Variants in KIRREL3 observed in about 807,000 individuals in gnomAD.
KIRREL3 encodes kin of IRRE-like protein 3.
KIRREL3 carries 36 observed loss-of-function variants against 89.7 expected under a neutral mutation model. The observed-to-expected ratio is 0.40, with a 90% CI of 0.31 to 0.53. KIRREL3 has a LOEUF of 0.53. KIRREL3 is among the 20% of genes least tolerant of loss of function. The pLI is 0.49. For synonymous variants in KIRREL3, 445 were observed against 441.4 expected (o/e 1.01, Z -0.10); for missense variants, 864 against 1,056.6 (o/e 0.82, Z 2.53).
At chr11:126,470,455 AC>A (rs1956855107) in intron 5 of KIRREL3, among the ~76,000 whole-genome samples, 1 of 152,134 alleles carries the variant, frequency 6.6e-6, no homozygotes, top group African/African-American at 2.4e-5. Flanking sequence ...GGGTTCTGGC[AC>A]CAGGTGCTGG....
chr11:126,507,696 G>A (rs1218491267), intron 4 of KIRREL3, among the ~76,000 whole-genome samples: 5 of 152,186 alleles, frequency 3.3e-5, no homozygotes, highest in Non-Finnish European at 1.5e-5. Flanking sequence ...GGATTAAAGG[G>A]CTCCTTCATC....
chr11:126,637,458 T>C (rs1669001676), intron 1 of KIRREL3, among the ~76,000 whole-genome samples: 1 of 152,212 alleles, frequency 6.6e-6, no homozygotes, highest in African/African-American at 2.4e-5. Context: ...CTGGGTACTT[T>C]CCTCCCTCCC....
At chr11:126,506,790 G>T (rs547268621) in intron 4 of KIRREL3, among the ~76,000 whole-genome samples, 5,097 of 137,538 alleles carry the variant, frequency 0.037, 327 homozygotes, top group African/African-American at 0.13. Context: ...TTTTTTTTTT[G>T]TTTTTGGTAT....
At position 126,990,502 on chromosome 11, in the gene KIRREL3, G is replaced by A. The variant is rs1467575353; in HGVS notation, c.55+9953C>T. On this transcript the variant is annotated intron_variant, in intron 1 of 16. Coordinates refer to ENST00000525144, the MANE Select transcript of KIRREL3 (RefSeq NM_032531.4). The surrounding 1 kb of genome is among the most constrained non-coding windows in gnomAD (Gnocchi z 6.3). ...CCTTCCCCGTCCTAAGGGACCTCCCGGGCTCTGCTCTCTCTGGGCAGGTTC... is the reference window on the plus strand; with the variant it reads ...CCTTCCCCGTCCTAAGGGACCTCCCAGGCTCTGCTCTCTCTGGGCAGGTTC... 6.6e-6 allele frequency among the ~76,000 whole-genome samples: 1 copy of A among 151,474 alleles called. No individual in the cohort carries two copies. The highest frequency in any genetic ancestry group is 2.4e-5 in the African/African-American group (1 of 41,108).
intron 4 of KIRREL3, among the ~76,000 whole-genome samples, chr11:126,480,835 T>C (rs1012840829): frequency 6.6e-6 from 1 of 152,252 alleles, no homozygotes; most frequent in African/African-American, 2.4e-5. Flanking sequence ...AGCTCTTTGC[T>C]GCCTTTTGTG....
At position 126,791,993 on chromosome 11, in the gene KIRREL3, T is replaced by C. The variant is rs1428121494; in HGVS notation, c.55+208462A>G. Among the ~76,000 whole-genome samples, 1 of 152,182 alleles carries C rather than the reference T, an allele frequency of 6.6e-6. No individual in the cohort carries two copies. The highest frequency in any genetic ancestry group is 2.4e-5 in the African/African-American group (1 of 41,446). On this transcript the variant is annotated intron_variant, in intron 1 of 16. Transcript: ENST00000525144. The surrounding 1 kb of genome is among the most constrained non-coding windows in gnomAD (Gnocchi z 4.8). Reference sequence around the variant, plus strand: ...TTCTCCTCTTCTCTGTATGCCACTTTTCCCCATTTCCTGGTGCCTCTGCCG... The same window carrying C: ...TTCTCCTCTTCTCTGTATGCCACTTCTCCCCATTTCCTGGTGCCTCTGCCG...
rs1939737829 is a variant in KIRREL3, at chr11:126,556,764, T to G, written c.133+6071A>C. Among the ~76,000 whole-genome samples the G allele has an allele frequency of 2.0e-5, 3 of 152,216 alleles. No individual in the cohort carries two copies. The South Asian group carries it at 6.2e-4, about 32-fold the overall frequency. On this transcript the variant is annotated intron_variant, in intron 2 of 16. Coordinates refer to ENST00000525144, the MANE Select transcript of KIRREL3 (RefSeq NM_032531.4). The stretch of plus-strand genomic sequence containing the variant: ...TGAGAAAAAGCTTTGGAATGTTCCC[T>G]CAGATCCTGGCTGGAGAGTGGAAAC...
chr11:126,632,293 T>C (rs561219031), intron 1 of KIRREL3, among the ~76,000 whole-genome samples: 3 of 152,324 alleles, frequency 2.0e-5, no homozygotes, highest in African/African-American at 7.2e-5. Context: ...AGAATTGCCC[T>C]TGTGGGTCTC....
intron 1 of KIRREL3, among the ~76,000 whole-genome samples, chr11:126,919,853 T>A (rs555851016): frequency 6.6e-6 from 1 of 152,240 alleles, no homozygotes; most frequent in Admixed American, 6.5e-5. Flanking sequence ...TACAGAATAT[T>A]CCAGTAACAA....
intron 2 of KIRREL3, among the ~76,000 whole-genome samples, chr11:126,554,335 T>C (rs2134549062): frequency 6.6e-6 from 1 of 152,258 alleles, no homozygotes; most frequent in Non-Finnish European, 1.5e-5. Context: ...CAGTTGCTGC[T>C]GGGAGGTGCT....
chr11:126,762,702 T>C (rs1009221247), intron 1 of KIRREL3, among the ~76,000 whole-genome samples: 2 of 152,170 alleles, frequency 1.3e-5, no homozygotes, highest in South Asian at 2.1e-4. Flanking sequence ...ATAAGGTCTT[T>C]TCTGGTTTCA....
intron 1 of KIRREL3, among the ~76,000 whole-genome samples, chr11:126,727,426 C>T (rs1948434077): frequency 6.6e-6 from 1 of 152,228 alleles, no homozygotes; most frequent in Admixed American, 6.5e-5. Context: ...AACTTAAATG[C>T]ATAAACAATT....
At chr11:126,662,906 C>CTTTTTTTTTTTTTTTTT (rs756193928) in intron 1 of KIRREL3, among the ~76,000 whole-genome samples, 1 of 91,878 alleles carries the variant, frequency 1.1e-5, no homozygotes, top group Non-Finnish European at 2.1e-5. Flanking sequence ...AAAGTCCTTT[C>CTTTTTTTTTTTTTTTTT]TTTTTTTTTT....
At chr11:126,619,463 C>T (rs958543424) in intron 1 of KIRREL3, among the ~76,000 whole-genome samples, 8 of 152,188 alleles carry the variant, frequency 5.3e-5, no homozygotes, top group African/African-American at 1.9e-4. Context: ...GGGAAAATGA[C>T]ATAATCTGAT....
intron 11 of KIRREL3, among the ~76,000 whole-genome samples, chr11:126,438,116 C>T (rs1424638032): frequency 2.6e-5 from 4 of 152,268 alleles, no homozygotes; most frequent in African/African-American, 4.8e-5. Flanking sequence ...TGTTGGCCTG[C>T]GCACTGCGCC....
Position 126,978,898 on chromosome 11 carries a change from A to G in KIRREL3, c.55+21557T>C, listed in dbSNP as rs75701740. On this transcript the variant is annotated intron_variant, in intron 1 of 16. Transcript: ENST00000525144. This position sits in a 1 kb window ranked among gnomAD's most constrained non-coding sequence, Gnocchi z 4.2. ...ATGCCCTGTGTCCCTGAATACATTG[A>G]GGTACACCTGCCTTTCTGAAAGTTT... is the stretch of plus-strand genomic sequence containing the variant. 0.015 allele frequency among the ~76,000 whole-genome samples: 2,260 copies of G among 152,260 alleles called. 48 individuals carry two copies. Among genetic ancestry groups the G allele is most frequent in the African/African-American group, 0.051 (2,114 of 41,540 alleles).
rs1336902897 is a variant in KIRREL3, at chr11:126,709,086, G to A, written c.56-146174C>T. Among the ~76,000 whole-genome samples the A allele has an allele frequency of 6.6e-6, 1 of 152,222 alleles. No individual in the cohort carries two copies. The highest frequency in any genetic ancestry group is 1.5e-5 in the Non-Finnish European group (1 of 68,046). ...GTATCCCTTCTGATCAACAGAGAAG[G>A]AGAGGAGAGCCTACACTGTGCTGGG... is the stretch of plus-strand genomic sequence containing the variant. On this transcript the variant is annotated intron_variant, in intron 1 of 16. Transcript: ENST00000525144. The surrounding 1 kb of genome is among the most constrained non-coding windows in gnomAD (Gnocchi z 4.0).
rs910604127 is a variant in KIRREL3, at chr11:126,583,851, G to C, written c.56-20939C>G. 2.6e-5 allele frequency among the ~76,000 whole-genome samples: 4 copies of C among 152,222 alleles called. No individual in the cohort carries two copies. In the South Asian group the frequency reaches 8.3e-4, roughly 32 times the overall value. ...AAGTGACAGCTGACGGCAGGCCCGA[G>C]GCAGCCAGGTAGGGAGGCTGCCTGT... On this transcript the variant is annotated intron_variant, in intron 1 of 16. Coordinates refer to ENST00000525144, the MANE Select transcript of KIRREL3 (RefSeq NM_032531.4).
intron 1 of KIRREL3, among the ~76,000 whole-genome samples, chr11:126,986,493 C>A (rs1949870640): frequency 6.6e-6 from 1 of 152,156 alleles, no homozygotes; most frequent in Admixed American, 6.5e-5. Context: ...ACTTTAAAAT[C>A]AACTTTCTAA....
Sources: allele counts gnomAD v4.1 joint callset (sites outside exome capture counted in the v4.1 genomes callset), GRCh38; gene constraint gnomAD v4.1.1; non-coding constraint Gnocchi (gnomAD v3.1); transcripts MANE v1.5; gene names NCBI Gene and HGNC (gene_info 2026-07-23, HGNC 2026-07-21).